Variants in SLC9A2 observed in about 807,000 individuals in gnomAD.
SLC9A2 encodes sodium/hydrogen exchanger 2.
In SLC9A2, 42 loss-of-function variants were observed where a neutral mutation model predicts 71.7. The ratio of observed to expected loss-of-function variants is 0.59; its 90% CI spans 0.46 to 0.76. The LOEUF is 0.76. Among genes scored for constraint, SLC9A2 ranks in the 30% least tolerant of loss-of-function variants. The pLI, the probability that SLC9A2 is intolerant of heterozygous loss-of-function variation, is 0.00. For missense variants in SLC9A2, 829 were observed against 1,017.4 expected, an observed-to-expected ratio of 0.81 and a Z score of 2.52; for synonymous variants, 396 against 392.5, an observed-to-expected ratio of 1.01 and a Z score of -0.10.
At chr2:102,668,298 A>G (rs1480165024) in intron 3 of SLC9A2, among the ~76,000 whole-genome samples, 1 of 152,158 alleles carries the variant, frequency 6.6e-6, no homozygotes, top group Non-Finnish European at 1.5e-5. Context: ...GGTAATCAGT[A>G]TGCCATTCAA....
intron 1 of SLC9A2, among the ~76,000 whole-genome samples, chr2:102,623,100 C>G (rs2104493766): frequency 6.6e-6 from 1 of 152,302 alleles, no homozygotes; most frequent in South Asian, 2.1e-4. Context: ...TGGGCCCCCT[C>G]TGTTCTAGTT....
intron 10 of SLC9A2, among the ~76,000 whole-genome samples, chr2:102,704,953 T>C (rs72828050): frequency 0.22 from 32,737 of 152,084 alleles, 4,095 homozygotes; most frequent in Middle Eastern, 0.3. Flanking sequence ...GCCAGCACTT[T>C]GGGAAGCCGA....
At chr2:102,662,563 G>A (rs1192756847) in intron 2 of SLC9A2, among the ~76,000 whole-genome samples, 1 of 152,172 alleles carries the variant, frequency 6.6e-6, no homozygotes, top group Non-Finnish European at 1.5e-5. Context: ...AAGGCTGGAG[G>A]GGTCCAGGAG....
intron 2 of SLC9A2, among the ~76,000 whole-genome samples, chr2:102,658,614 G>T (rs905005735): frequency 1.4e-4 from 21 of 151,312 alleles, no homozygotes; most frequent in Non-Finnish European, 1.2e-4. Flanking sequence ...CACATTTCTG[G>T]CCCTCATCAC....
At position 102,649,504 on chromosome 2, in the gene SLC9A2, C is replaced by T. The variant is rs553728366; in HGVS notation, c.290-8060C>T. On this transcript the variant is annotated intron_variant, in intron 1 of 11. Coordinates refer to ENST00000233969, the MANE Select transcript of SLC9A2 (RefSeq NM_003048.6). ...CTAATTAAACCAAAGAGCTTCTGCACAGCAAAAATTATCATCAGAGTGAAG... is the reference window on the plus strand; with the variant it reads ...CTAATTAAACCAAAGAGCTTCTGCATAGCAAAAATTATCATCAGAGTGAAG... Among the ~76,000 whole-genome samples, 23 of 152,244 alleles carry T rather than the reference C, an allele frequency of 1.5e-4. 1 individual carries two copies. In the South Asian group the frequency reaches 4.6e-3, roughly 30 times the overall value.
intron 1 of SLC9A2, among the ~76,000 whole-genome samples, chr2:102,628,294 C>T (rs1185009984): frequency 2.0e-5 from 3 of 152,078 alleles, no homozygotes; most frequent in Admixed American, 6.6e-5. Flanking sequence ...AAGTAGGAAA[C>T]CATGGGTGTT....
chr2:102,632,148 A>G lies in SLC9A2; in HGVS notation c.289+12011A>G, dbSNP rs916763851. Among the ~76,000 whole-genome samples, 24 of 101,130 alleles carry G rather than the reference A, an allele frequency of 2.4e-4. 2 individuals are homozygous for G. The highest frequency in any genetic ancestry group is 7.5e-4 in the African/African-American group (18 of 24,110). The allele number at this position is 101,130 out of a possible 152,430, so 66.3% of individuals were successfully genotyped here. On this transcript the variant is annotated intron_variant, in intron 1 of 11. Coordinates refer to ENST00000233969, the MANE Select transcript of SLC9A2 (RefSeq NM_003048.6). ...TATATACATATATATGTATATATAC[A>G]TATATACACATATATACACATATAT...
At chr2:102,630,590 C>T in intron 1 of SLC9A2, among the ~76,000 whole-genome samples, 1 of 151,760 alleles carries the variant, frequency 6.6e-6, no homozygotes, top group East Asian at 1.9e-4. Context: ...CTTAACAGCT[C>T]TTTCACGTTT....
At chr2:102,701,859 A>C (rs919859298) in intron 8 of SLC9A2, among the ~76,000 whole-genome samples, 1 of 152,232 alleles carries the variant, frequency 6.6e-6, no homozygotes, top group African/African-American at 2.4e-5. Flanking sequence ...GTCACTCTCC[A>C]TATGTCTGAG....
At chr2:102,657,034 G>A (rs889154124) in intron 1 of SLC9A2, among the ~76,000 whole-genome samples, 4 of 151,950 alleles carry the variant, frequency 2.6e-5, no homozygotes, top group South Asian at 2.1e-4. Flanking sequence ...GCAAAACCCC[G>A]TCTCTATTAA....
intron 1 of SLC9A2, among the ~76,000 whole-genome samples, chr2:102,639,197 C>T (rs1266503814): frequency 6.6e-6 from 1 of 152,164 alleles, no homozygotes; most frequent in Non-Finnish European, 1.5e-5. Flanking sequence ...AAATAGAAAC[C>T]TGCAGAAAAA....
chr2:102,664,184 G>A (rs993687875), intron 2 of SLC9A2, among the ~76,000 whole-genome samples: 3 of 151,558 alleles, frequency 2.0e-5, no homozygotes, highest in African/African-American at 7.3e-5. Flanking sequence ...GCTGAGGCAG[G>A]AGAATGGCTT....
At chr2:102,628,401 C>T (rs1006810536) in intron 1 of SLC9A2, among the ~76,000 whole-genome samples, 2 of 152,062 alleles carry the variant, frequency 1.3e-5, no homozygotes, top group East Asian at 3.9e-4. Flanking sequence ...TCCACAAAAT[C>T]AGTTTGATCT....
intron 4 of SLC9A2, among the ~76,000 whole-genome samples, chr2:102,683,812 G>T (rs947857022): frequency 6.7e-6 from 1 of 149,206 alleles, no homozygotes; most frequent in Non-Finnish European, 1.5e-5. Flanking sequence ...CTTCCTCATC[G>T]CCCTCTTCAT....
intron 1 of SLC9A2, among the ~76,000 whole-genome samples, chr2:102,655,321 T>TA: frequency 1.3e-5 from 2 of 151,196 alleles, no homozygotes; most frequent in Non-Finnish European, 2.9e-5. Context: ...ACCCAGCTAA[T>TA]TTTTTTATTT....
chr2:102,664,392 A>G (rs976058723), intron 2 of SLC9A2, among the ~76,000 whole-genome samples: 5 of 152,178 alleles, frequency 3.3e-5, no homozygotes, highest in Non-Finnish European at 7.4e-5. Flanking sequence ...GTTCTTGAAG[A>G]ATAAGAAAAC....
intron 2 of SLC9A2, among the ~76,000 whole-genome samples, chr2:102,661,965 C>T (rs1163784303): frequency 2.0e-5 from 3 of 152,194 alleles, no homozygotes; most frequent in African/African-American, 4.8e-5. Flanking sequence ...TATGTGGTTT[C>T]GGCCAGTTGT....
chr2:102,679,299 T>C (rs1234217294), intron 3 of SLC9A2, among the ~76,000 whole-genome samples: 1 of 152,130 alleles, frequency 6.6e-6, no homozygotes, highest in Non-Finnish European at 1.5e-5. Context: ...GTGTTAAGGA[T>C]ACAAAGCAAT....
chr2:102,689,829 A>T (rs1277978723), intron 5 of SLC9A2: 2 of 152,226 alleles, frequency 1.3e-5, no homozygotes, highest in African/African-American at 4.8e-5. Context: ...GGAGAGTATT[A>T]GGTTTGAAGG....
Sources: allele counts gnomAD v4.1 joint callset (sites outside exome capture counted in the v4.1 genomes callset), GRCh38; gene constraint gnomAD v4.1.1; transcripts MANE v1.5; gene names NCBI Gene and HGNC (gene_info 2026-07-23, HGNC 2026-07-21).